KPNA4: variants seen among roughly 807,000 people sequenced by gnomAD.
KPNA4 encodes the protein importin subunit alpha-3.
Under a neutral mutation model 71.3 loss-of-function variants are expected in KPNA4, and 13 were observed. The ratio of observed to expected loss-of-function variants is 0.18; its 90% CI spans 0.12 to 0.29. The LOEUF (loss-of-function observed/expected upper bound fraction) is 0.29. KPNA4 is among the 10% of genes least tolerant of loss of function. The pLI, the probability that KPNA4 is intolerant of heterozygous loss-of-function variation, is 1.00. For synonymous variants in KPNA4, 189 were observed against 195.2 expected (o/e 0.97, Z 0.26); for missense variants, 334 against 603.2 (o/e 0.55, Z 4.67).
intron 13 of KPNA4, among the ~76,000 whole-genome samples, chr3:160,513,600 T>C (rs189700264): frequency 3.6e-4 from 55 of 152,216 alleles, no homozygotes; most frequent in Admixed American, 9.8e-4. Flanking sequence ...TTCTCCCAAA[T>C]GCTAATATGA....
Position 160,495,599 on chromosome 3 carries a change from TG to T in KPNA4, c.*6504del, listed in dbSNP as rs1484668197. 1 of 151,930 alleles carries T rather than the reference TG, an allele frequency of 6.6e-6. No homozygotes were observed. Among genetic ancestry groups the T allele is most frequent in the Non-Finnish European group, 1.5e-5 (1 of 68,008 alleles). 9.4% of individuals were successfully genotyped at this position (151,930 alleles called of 1,614,324 possible). The stretch of plus-strand genomic sequence containing the variant: ...TTTTACCTTAACTAAAAGGTTAGGA[TG>T]ACTAGGACTGCCACTATGCTAAAGA... On this transcript the variant is annotated 3_prime_UTR_variant, in exon 17 of 17. Coordinates refer to ENST00000334256, the MANE Select transcript of KPNA4 (RefSeq NM_002268.5).
chr3:160,550,910 A>G (rs1365654865), intron 1 of KPNA4, among the ~76,000 whole-genome samples: 4 of 152,180 alleles, frequency 2.6e-5, no homozygotes, highest in African/African-American at 9.7e-5. Flanking sequence ...TTGGTGCACC[A>G]GTATTCTGTT....
chr3:160,518,194 C>A (rs1390166309), intron 11 of KPNA4, among the ~76,000 whole-genome samples: 1 of 149,572 alleles, frequency 6.7e-6, no homozygotes, highest in Non-Finnish European at 1.5e-5. Flanking sequence ...GTGGCGCGAT[C>A]TCGGCTCACT....
intron 1 of KPNA4, among the ~76,000 whole-genome samples, chr3:160,556,115 T>C (rs1227443493): frequency 6.6e-6 from 1 of 152,244 alleles, no homozygotes; most frequent in Non-Finnish European, 1.5e-5. Context: ...ATTACAGGCG[T>C]GAGCCACTGC....
At chr3:160,530,384 C>T (rs770910161) in intron 7 of KPNA4, among the ~76,000 whole-genome samples, 35 of 151,918 alleles carry the variant, frequency 2.3e-4, no homozygotes, top group Middle Eastern at 6.8e-3. Context: ...TGGACTGATG[C>T]GGAAGGGTCT....
chr3:160,546,478 A>G (rs4679892), intron 1 of KPNA4, among the ~76,000 whole-genome samples: 33,610 of 152,078 alleles, frequency 0.22, 4,090 homozygotes, highest in Non-Finnish European at 0.27. Flanking sequence ...AGATCGCAAC[A>G]CTGCACTCCA....
At chr3:160,515,125 T>C (rs1249942942) in intron 12 of KPNA4, 2 of 520,698 alleles carry the variant, frequency 3.8e-6, no homozygotes, top group Non-Finnish European at 7.7e-6. Flanking sequence ...ATACACACTC[T>C]CTATTAAGTA....
intron 13 of KPNA4, among the ~76,000 whole-genome samples, chr3:160,511,481 C>T (rs1171981147): frequency 1.3e-5 from 2 of 151,802 alleles, no homozygotes; most frequent in Non-Finnish European, 2.9e-5. Context: ...TGACTTCATA[C>T]ATTATAGTGC....
At chr3:160,539,051 C>T (rs1331008813) in intron 1 of KPNA4, among the ~76,000 whole-genome samples, 1 of 152,126 alleles carries the variant, frequency 6.6e-6, no homozygotes, top group Non-Finnish European at 1.5e-5. Flanking sequence ...AGTATTACTG[C>T]TGCTGCTATT....
Position 160,565,259 on chromosome 3 carries a change from G to C in KPNA4, c.24C>G (p.Asp8Glu), listed in dbSNP as rs1179270526. 2 of 1,609,348 alleles carry C rather than the reference G, an allele frequency of 1.2e-6. No individual in the cohort carries two copies. Among genetic ancestry groups the C allele is most frequent in the Non-Finnish European group, 8.5e-7 (1 of 1,177,874 alleles). ...TCTTGAAATTCTTGAGCCGTTGGTT[G>C]TCCAGTTTCTCGTTGTCCGCCATGG... Reference protein sequence around the residue: MADNEKLDNQRLKNFKNK... With the variant: MADNEKLENQRLKNFKNK... The change falls in exon 1 of 17, where the codon GAC becomes GAG. Residue 8 changes from aspartate (D) to glutamate (E), a missense_variant. Transcript: ENST00000334256.
intron 7 of KPNA4, among the ~76,000 whole-genome samples, chr3:160,530,220 G>A (rs1282782571): frequency 6.7e-6 from 1 of 150,206 alleles, no homozygotes; most frequent in Admixed American, 6.6e-5. Context: ...TATAATCCCA[G>A]CACACTGGGA....
chr3:160,525,747 C>A, intron 10 of KPNA4, 53 bp downstream of exon 10: 2 of 1,194,520 alleles, frequency 1.7e-6, no homozygotes, highest in South Asian at 2.1e-5. Flanking sequence ...CAGGGGAAGC[C>A]CTAGAAATAC....
At chr3:160,531,768 A>ATAAGAATGTAGATATGAACCACTTTAC (rs1721579601) in intron 5 of KPNA4, among the ~76,000 whole-genome samples, 1 of 152,210 alleles carries the variant, frequency 6.6e-6, no homozygotes, top group Non-Finnish European at 1.5e-5. Context: ...AATTAGAAAA[A>ATAAGAATGTAGATATGAACCACTTTAC]TAAGAATGTA....
At chr3:160,509,678 A>G in intron 14 of KPNA4, 122 bp downstream of exon 14, 2 of 731,338 alleles carry the variant, frequency 2.7e-6, no homozygotes, top group Non-Finnish European at 4.7e-6. Flanking sequence ...GTGATCCTCC[A>G]GCCTTGGCCT....
chr3:160,534,719 A>C (rs1292098758), intron 5 of KPNA4, among the ~76,000 whole-genome samples: 1 of 85,924 alleles, frequency 1.2e-5, no homozygotes, highest in Non-Finnish European at 2.7e-5. Context: ...TCCATCTCAG[A>C]AAAAAAAAAA....
In KPNA4 at chr3:160,531,516, A is replaced by G; in HGVS notation, c.329T>C (p.Leu110Ser). Residue 110 changes from leucine (L) to serine (S), a missense_variant, in exon 6 of 17, where the codon TTA (leucine) becomes TCA (serine). Coordinates refer to ENST00000334256, the MANE Select transcript of KPNA4 (RefSeq NM_002268.5). ...AATGGGCAATATTCCAGATTTTATT[A>G]AGTCATCAATTGGTGGATTTCGATC... The part of the protein sequence containing the change: ...SSDRNPPIDD[L>S]IKSGILPILV... 1 of 1,592,344 alleles carries G rather than the reference A, an allele frequency of 6.3e-7. No individual in the cohort carries two copies. Among genetic ancestry groups the G allele is most frequent in the Non-Finnish European group, 8.6e-7 (1 of 1,169,376 alleles).
At chr3:160,541,485 C>T (rs1175518633) in intron 1 of KPNA4, among the ~76,000 whole-genome samples, 1 of 151,734 alleles carries the variant, frequency 6.6e-6, no homozygotes, top group Non-Finnish European at 1.5e-5. Flanking sequence ...AAAATTTGTA[C>T]AGGCACGAGA....
rs749625585 is a variant in KPNA4, at chr3:160,531,599, CA to C, written c.288-43del. 5.2e-6 allele frequency: 5 copies of C among 965,786 alleles called. No homozygotes were observed. In the South Asian group the frequency reaches 7.1e-5, roughly 14 times the overall value. The allele number at this position is 965,786 out of a possible 1,614,324, so 59.8% of individuals were successfully genotyped here. A position where few individuals can be genotyped will look rare whatever the true frequency, so the allele number is the denominator to read the frequency against. On this transcript the variant is annotated intron_variant, in intron 5 of 16. Transcript: ENST00000334256. ...CACTCCTGTGAAACTTAATAACATA[CA>C]ATATTATGATTAAATATAAATTCAT... is the stretch of plus-strand genomic sequence containing the variant.
intron 2 of KPNA4, 79 bp downstream of exon 2, chr3:160,536,713 TAATA>T (rs1431781478): frequency 1.6e-5 from 11 of 703,954 alleles, no homozygotes; most frequent in East Asian, 2.9e-5. Context: ...CCTAAAAACA[TAATA>T]TATATTTGGC....
Sources: gnomAD v4.1 joint callset for allele counts (sites outside exome capture counted in the v4.1 genomes callset) on GRCh38, gnomAD v4.1.1 for gene constraint, MANE v1.5 for transcripts, NCBI Gene and HGNC (gene_info 2026-07-23, HGNC 2026-07-21) for gene names.